The following ARHGAP44 variants were observed in gnomAD, a reference collection of about 807,000 sequenced individuals.
The protein encoded by ARHGAP44 is rho GTPase-activating protein 44.
In ARHGAP44, 43 loss-of-function variants were observed where a neutral mutation model predicts 106.8. The observed-to-expected ratio is 0.40, with a 90% CI of 0.32 to 0.52. The LOEUF (loss-of-function observed/expected upper bound fraction) is 0.52, where lower values mean the gene tolerates loss of function less well. Ranked by LOEUF, ARHGAP44 falls within the 20% of genes least tolerant of loss-of-function variation. ARHGAP44 has a pLI of 0.48. For synonymous variants in ARHGAP44, 439 were observed against 410.3 expected (o/e 1.07, Z -0.85); for missense variants, 866 against 1,050.5 (o/e 0.82, Z 2.43).
chr17:12,989,124 AACT>A (rs1214345201), intron 20 of ARHGAP44, among the ~76,000 whole-genome samples: 10 of 148,254 alleles, frequency 6.7e-5, no homozygotes, highest in African/African-American at 2.0e-4. Context: ...AAAAAAAAAA[AACT>A]AAGCAGGCGG....
chr17:12,945,958 C>T (rs958774566), intron 10 of ARHGAP44, among the ~76,000 whole-genome samples: 1 of 151,914 alleles, frequency 6.6e-6, no homozygotes, highest in African/African-American at 2.4e-5. Flanking sequence ...GGAATTTCAG[C>T]ATGCTGGCCA....
chr17:12,797,831 A>G (rs1383107337), intron 1 of ARHGAP44, among the ~76,000 whole-genome samples: 1 of 152,220 alleles, frequency 6.6e-6, no homozygotes, highest in African/African-American at 2.4e-5. Flanking sequence ...AATTCTTCTC[A>G]TCTGGGAATA....
Position 12,875,625 on chromosome 17 carries a change from A to G in ARHGAP44, c.54-19315A>G, listed in dbSNP as rs1044635636. On this transcript the variant is annotated intron_variant, in intron 1 of 20. Transcript: ENST00000379672. ...ATAAATAAATAAAAAGGGGGGGTGC[A>G]TTATAACACCCTCAAGCTATTTTAA... Among the ~76,000 whole-genome samples the G allele has an allele frequency of 2.6e-5, 4 of 151,982 alleles. No homozygotes were observed. The South Asian group carries it at 6.2e-4, about 24-fold the overall frequency.
At chr17:12,824,513 C>G (rs2034863381) in intron 1 of ARHGAP44, among the ~76,000 whole-genome samples, 1 of 152,050 alleles carries the variant, frequency 6.6e-6, no homozygotes. Flanking sequence ...GCCAGACTTC[C>G]TGTTGTCACC....
At chr17:12,791,378 C>T (rs1192857246) in intron 1 of ARHGAP44, among the ~76,000 whole-genome samples, 1 of 152,136 alleles carries the variant, frequency 6.6e-6, no homozygotes, top group Non-Finnish European at 1.5e-5. Flanking sequence ...TAGCAGATGA[C>T]AGTCAAGCCG....
chr17:12,984,264 A>G (rs1005957416), intron 19 of ARHGAP44, among the ~76,000 whole-genome samples: 2 of 106,556 alleles, frequency 1.9e-5, no homozygotes, highest in Admixed American at 1.8e-4. Context: ...TGTGTAGATC[A>G]GGGCAGAAAT....
rs1598173210 is a variant in ARHGAP44 at position 12,989,101 on chromosome 17, C to CGAAAAAAAAA, written c.2318-931_2318-930insGAAAAAAAAA. ...GACAAGAGCGAAACTCCACCCCCCC[C>CGAAAAAAAAA]AAAAAAAAAAAAAAAAAAAAAAAAC... is the stretch of plus-strand genomic sequence containing the variant. On this transcript the variant is annotated intron_variant, in intron 20 of 20. Coordinates refer to ENST00000379672, the MANE Select transcript of ARHGAP44 (RefSeq NM_014859.6). 2.2e-3 allele frequency among the ~76,000 whole-genome samples: 99 copies of CGAAAAAAAAA among 45,166 alleles called. 7 individuals are homozygous for CGAAAAAAAAA. The highest frequency in any genetic ancestry group is 7.2e-3 in the African/African-American group (85 of 11,748). 29.6% of individuals were successfully genotyped at this position (45,166 alleles called of 152,430 possible).
intron 18 of ARHGAP44, among the ~76,000 whole-genome samples, chr17:12,974,833 G>C (rs1294691040): frequency 6.7e-6 from 1 of 150,320 alleles, no homozygotes; most frequent in East Asian, 2.0e-4. Flanking sequence ...ATAAAATTAT[G>C]TGAATGTGGT....
In ARHGAP44 at chr17:12,987,893, T is replaced by A. The variant is rs145358934; in HGVS notation, c.2318-2139T>A. 3.3e-5 allele frequency: 5 copies of A among 152,284 alleles called. No individual in the cohort carries two copies. The East Asian group carries it at 9.7e-4, about 29-fold the overall frequency. 9.4% of individuals were successfully genotyped at this position (152,284 alleles called of 1,614,324 possible). ...CTATAAAGAGTAAATCCTCAAAGCA[T>A]AACTGAGGGAAAGGCACGAAGGAAG... On this transcript the variant is annotated intron_variant, in intron 20 of 20. Transcript: ENST00000379672.
chr17:12,799,551 T>A (rs2034024362), intron 1 of ARHGAP44, among the ~76,000 whole-genome samples: 1 of 152,166 alleles, frequency 6.6e-6, no homozygotes, highest in South Asian at 2.1e-4. Flanking sequence ...CATGGGCCAG[T>A]ACTAGTTCCC....
chr17:12,847,117 A>G (rs1489718065), intron 1 of ARHGAP44, among the ~76,000 whole-genome samples: 2 of 152,132 alleles, frequency 1.3e-5, no homozygotes, highest in Non-Finnish European at 2.9e-5. Context: ...TCCTAATTTG[A>G]TAGGTTAAGT....
intron 1 of ARHGAP44, among the ~76,000 whole-genome samples, chr17:12,860,609 G>C (rs1173362315): frequency 6.6e-6 from 1 of 152,066 alleles, no homozygotes; most frequent in Non-Finnish European, 1.5e-5. Context: ...CCTCTCATTT[G>C]TCCTCATATA....
chr17:12,946,007 C>T lies in ARHGAP44; in HGVS notation c.861+1811C>T, dbSNP rs151039177. ...CTCCTGACCTCAGGTAATCCGTCCACCTCGGCCTCCCAAAGTGCTGAGATT... is the reference window on the plus strand; with the variant it reads ...CTCCTGACCTCAGGTAATCCGTCCATCTCGGCCTCCCAAAGTGCTGAGATT... On this transcript the variant is annotated intron_variant, in intron 10 of 20. Coordinates refer to ENST00000379672, the MANE Select transcript of ARHGAP44 (RefSeq NM_014859.6). 5.4e-4 allele frequency among the ~76,000 whole-genome samples: 82 copies of T among 152,274 alleles called. No homozygotes were observed. In the East Asian group the frequency reaches 0.015, roughly 28 times the overall value.
intron 1 of ARHGAP44, among the ~76,000 whole-genome samples, chr17:12,861,529 C>G (rs931742022): frequency 6.6e-6 from 1 of 151,910 alleles, no homozygotes; most frequent in African/African-American, 2.4e-5. Flanking sequence ...GCCTTGTGGC[C>G]CCTTCCGCCG....
intron 1 of ARHGAP44, among the ~76,000 whole-genome samples, chr17:12,826,118 G>A (rs1316968146): frequency 6.6e-6 from 1 of 152,146 alleles, no homozygotes; most frequent in Non-Finnish European, 1.5e-5. Context: ...GTACAGGTTT[G>A]TTTGTTACAT....
chr17:12,817,578 A>G (rs985349318), intron 1 of ARHGAP44, among the ~76,000 whole-genome samples: 2 of 152,072 alleles, frequency 1.3e-5, no homozygotes, highest in African/African-American at 4.8e-5. Flanking sequence ...AGAATAAATG[A>G]AAACAAAAGC....
At chr17:12,842,569 A>C in intron 1 of ARHGAP44, among the ~76,000 whole-genome samples, 1 of 152,076 alleles carries the variant, frequency 6.6e-6, no homozygotes. Context: ...CTCCACCCCT[A>C]GAGTTTGTGA....
Position 12,974,148 on chromosome 17 carries a change from G to A in ARHGAP44, c.1601G>A (p.Arg534Gln), listed in dbSNP as rs1407067326. 2 of 1,562,076 alleles carry A rather than the reference G, an allele frequency of 1.3e-6. No homozygotes were observed. Among genetic ancestry groups the A allele is most frequent in the East Asian group, 2.4e-5 (1 of 41,750 alleles). ...GCTCGAAGAGGCTCCTCGGCCGGTC[G>A]GAAAGTGTCCTGCGCCCCGCCCTCC... is the stretch of plus-strand genomic sequence containing the variant. The part of the protein sequence containing the change: ...WVARRGSSAG[R>Q]KVSCAPPSMQ... The change falls in exon 18 of 21, where the codon CGG becomes CAG. Residue 534 changes from arginine (R) to glutamine (Q), a missense_variant. Physicochemically the swap from Arg to Gln is conservative, Grantham distance 43. This residue lies in a region of ARHGAP44 where 418 missense variants were observed against 403.6 expected (regional missense o/e 1.04). Transcript: ENST00000379672.
intron 16 of ARHGAP44, among the ~76,000 whole-genome samples, chr17:12,960,419 AGCCGGGAGT>A (rs2039233008): frequency 6.6e-6 from 1 of 152,050 alleles, no homozygotes; most frequent in South Asian, 2.1e-4. Context: ...TACAAAAACC[AGCCGGGAGT>A]GGTGGCACGC....
Sources: allele counts gnomAD v4.1 joint callset (sites outside exome capture counted in the v4.1 genomes callset), GRCh38; gene constraint gnomAD v4.1.1; regional missense constraint gnomAD v4.1.1; transcripts MANE v1.5; gene names NCBI Gene and HGNC (gene_info 2026-07-23, HGNC 2026-07-21).